NAV3: variants seen among roughly 807,000 people sequenced by gnomAD.
NAV3 encodes neuron navigator 3, also known as pore membrane and/or filament interacting like protein 1.
In NAV3, 87 loss-of-function variants were observed where a neutral mutation model predicts 244.7. The observed-to-expected ratio is 0.36, with a 90% CI of 0.30 to 0.42. The LOEUF is 0.42. NAV3 is among the 20% of genes least tolerant of loss of function. The probability of loss-of-function intolerance (pLI) is 1.00; values close to 1 mark genes in which losing one functional copy is unlikely to be tolerated. For synonymous variants in NAV3, 1,126 were observed against 1,042.2 expected (o/e 1.08, Z -1.55); for missense variants, 2,663 against 2,893.3 (o/e 0.92, Z 1.83).
chr12:78,170,943 T>G (rs1251401305), intron 24 of NAV3, among the ~76,000 whole-genome samples: 1 of 151,766 alleles, frequency 6.6e-6, no homozygotes, highest in African/African-American at 2.4e-5. Context: ...AGGTATGTCT[T>G]TCCTGATTTA....
chr12:77,741,148 C>CAAAAAAAAAAAAAAAAAAAGAAAA, intron 2 of NAV3, among the ~76,000 whole-genome samples: 1 of 68,662 alleles, frequency 1.5e-5, no homozygotes, highest in South Asian at 6.5e-4. Context: ...AAAAAAAAGA[C>CAAAAAAAAAAAAAAAAAAAGAAAA]AAAAAAAAAA....
intron 36 of NAV3, 89 bp from the exon 37 acceptor site, chr12:78,199,246 A>G: frequency 9.7e-7 from 1 of 1,027,742 alleles, no homozygotes; most frequent in Non-Finnish European, 1.4e-6. Flanking sequence ...GGAAAGTAAT[A>G]ATGAATAAAT....
intron 2 of NAV3, among the ~76,000 whole-genome samples, chr12:77,586,841 T>A (rs1290026724): frequency 2.6e-5 from 4 of 152,186 alleles, no homozygotes. Context: ...AACATTTTCA[T>A]CCGTGCGGAA....
intron 12 of NAV3, among the ~76,000 whole-genome samples, chr12:78,101,569 C>T (rs933976819): frequency 6.6e-6 from 1 of 152,082 alleles, no homozygotes; most frequent in Non-Finnish European, 1.5e-5. Context: ...TCATTTAAAA[C>T]CTCTTTTAAT....
intron 1 of NAV3, among the ~76,000 whole-genome samples, chr12:77,860,390 G>GTA (rs1565865022): frequency 1.3e-5 from 2 of 150,612 alleles, no homozygotes; most frequent in African/African-American, 2.4e-5. Flanking sequence ...CAAAAGTGAA[G>GTA]TATATATATA....
intron 2 of NAV3, among the ~76,000 whole-genome samples, chr12:77,715,109 A>G (rs1396083098): frequency 6.6e-6 from 1 of 152,010 alleles, no homozygotes; most frequent in Non-Finnish European, 1.5e-5. Flanking sequence ...TAGTTATAAT[A>G]CTTTGTGTCC....
intron 16 of NAV3, among the ~76,000 whole-genome samples, chr12:78,123,035 T>C (rs1955744846): frequency 6.6e-6 from 1 of 152,082 alleles, no homozygotes; most frequent in South Asian, 2.1e-4. Flanking sequence ...TGGCTTTATA[T>C]ATATATATAA....
chr12:78,190,099 G>T lies in NAV3; in HGVS notation c.6171G>T (p.Pro2057=), dbSNP rs145623732. ...ATCACAGAATTATACTCTCAGGACC[G>T]AGTGGTACTGGAAAGACCTATTTGG... ...MEHHRIILSG[P]SGTGKTYLAN... Residue 2057 remains proline, a synonymous_variant, in exon 34 of 40, where the codon CCG becomes CCT. Coordinates refer to ENST00000397909, the MANE Select transcript of NAV3 (RefSeq NM_001024383.2). 6.2e-7 allele frequency: 1 copy of T among 1,612,878 alleles called. No individual in the cohort carries two copies. The highest frequency in any genetic ancestry group is 8.5e-7 in the Non-Finnish European group (1 of 1,179,310).
intron 9 of NAV3, chr12:78,036,550 G>A (rs1593345200): frequency 1.3e-5 from 3 of 226,538 alleles, no homozygotes; most frequent in East Asian, 1.7e-4. Context: ...CATGTGATTG[G>A]ATGAAGACGG....
rs1199655400 is a variant in NAV3 at position 77,763,604 on chromosome 12, A to G, written c.73-176715A>G. ...CATCCTCTGTCCAACCTGAATGAAC[A>G]TCAGTCAAAATTAATTATGTATGCT... is the stretch of plus-strand genomic sequence containing the variant. On this transcript the variant is annotated intron_variant, in intron 2 of 8. Transcript: ENST00000550042. Among the ~76,000 whole-genome samples, 8 of 152,188 alleles carry G rather than the reference A, an allele frequency of 5.3e-5. No homozygotes were observed. In the East Asian group the frequency reaches 1.3e-3, roughly 26 times the overall value.
At chr12:78,004,831 A>T (rs1873921512) in intron 7 of NAV3, among the ~76,000 whole-genome samples, 1 of 152,156 alleles carries the variant, frequency 6.6e-6, no homozygotes, top group East Asian at 1.9e-4. Context: ...GAAGTATCTT[A>T]TATGTGTGTA....
intron 2 of NAV3, among the ~76,000 whole-genome samples, chr12:77,737,362 T>C (rs1406355784): frequency 6.6e-6 from 1 of 151,518 alleles, no homozygotes; most frequent in Non-Finnish European, 1.5e-5. Context: ...TAGGGAAAAT[T>C]GCCAACTCTA....
intron 8 of NAV3, among the ~76,000 whole-genome samples, chr12:78,014,688 C>T (rs753842069): frequency 2.0e-5 from 3 of 152,030 alleles, no homozygotes; most frequent in Non-Finnish European, 2.9e-5. Context: ...AATGCTTACT[C>T]ACAAGGTTTT....
At chr12:77,657,417 A>C (rs1873173039) in intron 2 of NAV3, among the ~76,000 whole-genome samples, 1 of 152,220 alleles carries the variant, frequency 6.6e-6, no homozygotes, top group African/African-American at 2.4e-5. Flanking sequence ...GAAGAAGTTG[A>C]ATCTCTGAAT....
chr12:77,608,860 C>T (rs1056630224), intron 2 of NAV3, among the ~76,000 whole-genome samples: 8 of 152,014 alleles, frequency 5.3e-5, no homozygotes, highest in African/African-American at 1.9e-4. Flanking sequence ...AGCTTTTTCT[C>T]CAGGCATTTG....
intron 2 of NAV3, among the ~76,000 whole-genome samples, chr12:77,707,782 T>C (rs1875898052): frequency 6.6e-6 from 1 of 152,222 alleles, no homozygotes. Flanking sequence ...TATCTCATTG[T>C]GGTTTTGATT....
intron 2 of NAV3, among the ~76,000 whole-genome samples, chr12:77,789,059 A>G (rs1871042665): frequency 6.6e-6 from 1 of 152,182 alleles, no homozygotes; most frequent in African/African-American, 2.4e-5. Flanking sequence ...TTCCTAACAT[A>G]TCTAATCCTT....
intron 2 of NAV3, among the ~76,000 whole-genome samples, chr12:77,752,970 A>G (rs1868939103): frequency 6.6e-6 from 1 of 152,192 alleles, no homozygotes; most frequent in African/African-American, 2.4e-5. Flanking sequence ...CCAAAGATAC[A>G]GTCTTAGACT....
At chr12:77,897,945 T>C (rs1025528146) in intron 1 of NAV3, among the ~76,000 whole-genome samples, 1 of 152,226 alleles carries the variant, frequency 6.6e-6, no homozygotes, top group African/African-American at 2.4e-5. Flanking sequence ...GCCTCCCAGC[T>C]AAACTCACGC....
Sources: allele counts gnomAD v4.1 joint callset (sites outside exome capture counted in the v4.1 genomes callset), GRCh38; gene constraint gnomAD v4.1.1; transcripts MANE v1.5; gene names NCBI Gene and HGNC (gene_info 2026-07-23, HGNC 2026-07-21).